PLA2G4D: variants seen among roughly 807,000 people sequenced by gnomAD.
PLA2G4D encodes cytosolic phospholipase A2 delta.
A neutral mutation model predicts 94.4 loss-of-function variants in PLA2G4D; 80 were observed. The ratio of observed to expected loss-of-function variants is 0.85; its 90% CI spans 0.71 to 1.02. The LOEUF is 1.02. Among genes scored for constraint, PLA2G4D ranks in the 50% least tolerant of loss-of-function variants. PLA2G4D has a pLI of 0.00. For missense variants in PLA2G4D, 1,050 were observed against 1,034.7 expected (o/e 1.01, Z -0.20); for synonymous variants, 438 against 440.9 (o/e 0.99, Z 0.08).
At position 42,071,995 on chromosome 15, in the gene PLA2G4D, C is replaced by T. The variant is rs1022406044; in HGVS notation, c.1436-84G>A. 3 of 1,515,150 alleles carry T rather than the reference C, an allele frequency of 2.0e-6. No individual in the cohort carries two copies. In the Admixed American group the frequency reaches 5.8e-5, roughly 29 times the overall value. 93.9% of individuals were successfully genotyped at this position (1,515,150 alleles called of 1,614,324 possible). A position where few individuals can be genotyped will look rare whatever the true frequency, so the allele number is the denominator to read the frequency against. On this transcript the variant is annotated intron_variant, in intron 14 of 19. Coordinates refer to ENST00000290472, the MANE Select transcript of PLA2G4D (RefSeq NM_178034.4). Reference sequence around the variant, plus strand: ...GCTCTGGCGAAAGACACTGCCCCTGCCCCCAGCAGGCCTGAGCCCTGCTGT... The same window carrying T: ...GCTCTGGCGAAAGACACTGCCCCTGTCCCCAGCAGGCCTGAGCCCTGCTGT...
Position 42,086,194 on chromosome 15 carries a change from T to TGGGGGGGCGC in PLA2G4D, c.387+18_387+19insGCGCCCCCCC. ...GGAAGAAGTGGGGCCCACGGGGACT[T>TGGGGGGGCGC]CCCCACCCACCCACCCACCTGGGGA... On this transcript the variant is annotated intron_variant, in intron 4 of 19. Coordinates refer to ENST00000290472, the MANE Select transcript of PLA2G4D (RefSeq NM_178034.4). 2.2e-6 allele frequency: 3 copies of TGGGGGGGCGC among 1,370,442 alleles called. No homozygotes were observed. Among genetic ancestry groups the TGGGGGGGCGC allele is most frequent in the Non-Finnish European group, 2.9e-6 (3 of 1,043,084 alleles). 84.9% of individuals were successfully genotyped at this position (1,370,442 alleles called of 1,614,324 possible).
rs74678783 is a variant in PLA2G4D at position 42,070,845 on chromosome 15, T to G, written c.1915A>C (p.Lys639Gln). The G allele has an allele frequency of 0.1, 162,305 of 1,611,004 alleles. 9,234 individuals carry two copies. The highest frequency in any genetic ancestry group is 0.12 in the Non-Finnish European group (137,283 of 1,178,494). The change falls in exon 18 of 20, where the codon AAG becomes CAG. Residue 639 changes from lysine (K) to glutamine (Q), a missense_variant. Transcript: ENST00000290472. ...LDSMPSQLTP[K>Q]EPRLCLVDAA... The stretch of plus-strand genomic sequence containing the variant: ...TCCACCAGGCAGAGCCGGGGCTCCT[T>G]GGGGGTCAGCTGGCTGGGCATGGAG...
At position 42,087,330 on chromosome 15, in the gene PLA2G4D, G is replaced by A. The variant is rs1375815032; in HGVS notation, c.225C>T (p.Ala75=). The A allele has an allele frequency of 6.2e-7, 1 of 1,614,080 alleles. No individual in the cohort carries two copies. Among genetic ancestry groups the A allele is most frequent in the African/African-American group, 1.3e-5 (1 of 74,928 alleles). The change falls in exon 3 of 20, where the codon GCC becomes GCT. Residue 75 remains alanine, a synonymous_variant. Transcript: ENST00000290472. ...TDTSHPVWNE[A]FRFLIQSQVK... ...CCTGACTTTGGATAAGGAAACGGAA[G>A]GCCTCATTCCACACAGGATGACTGG... is the stretch of plus-strand genomic sequence containing the variant.
At chr15:42,073,857 GTCC>G (rs1341420966) in intron 13 of PLA2G4D, among the ~76,000 whole-genome samples, 1 of 152,176 alleles carries the variant, frequency 6.6e-6, no homozygotes, top group East Asian at 1.9e-4. Context: ...CAGTGTGTGT[GTCC>G]TCCTTGCTGG....
chr15:42,074,962 A>G (rs1287131432), intron 13 of PLA2G4D, among the ~76,000 whole-genome samples: 1 of 152,220 alleles, frequency 6.6e-6, no homozygotes, highest in Non-Finnish European at 1.5e-5. Flanking sequence ...CTCACTCTAA[A>G]GCCCAGGTTG....
At position 42,082,289 on chromosome 15, in the gene PLA2G4D, G is replaced by A. The variant is rs149642630; in HGVS notation, c.773C>T (p.Pro258Leu). 4.3e-6 allele frequency: 7 copies of A among 1,613,744 alleles called. No homozygotes were observed. In the African/African-American group the frequency reaches 8.0e-5, roughly 18 times the overall value. Residue 258 changes from proline to leucine, a missense_variant, in exon 9 of 20, where the codon CCT (proline) becomes CTT (leucine). Transcript: ENST00000290472. ...GTTGAGGCCACTTACATTTGGAGCA[G>A]GAACATCCATAGTCACCTCCTTCCC... Reference protein sequence around the residue: ...TIGKEVTMDVPAPNAPGVRLQ... With the variant: ...TIGKEVTMDVLAPNAPGVRLQ...
At chr15:42,091,190 G>A (rs901242947) in intron 1 of PLA2G4D, among the ~76,000 whole-genome samples, 3 of 152,206 alleles carry the variant, frequency 2.0e-5, no homozygotes, top group Non-Finnish European at 2.9e-5. Flanking sequence ...GCAAGAGACC[G>A]AGGATACAAG....
chr15:42,087,618 G>C lies in PLA2G4D; in HGVS notation c.118+10C>G. 6.2e-7 allele frequency: 1 copy of C among 1,614,074 alleles called. No homozygotes were observed. The highest frequency in any genetic ancestry group is 1.1e-5 in the South Asian group (1 of 91,080). On this transcript the variant is annotated intron_variant, in intron 2 of 19. Transcript: ENST00000290472. Reference sequence around the variant, plus strand: ...CTGCTCCCGACAGAGCGCACAGGGCGGTTACTCACACAGGTCAGCCCAGCG... The same window carrying C: ...CTGCTCCCGACAGAGCGCACAGGGCCGTTACTCACACAGGTCAGCCCAGCG...
intron 19 of PLA2G4D, among the ~76,000 whole-genome samples, chr15:42,069,642 A>T (rs571797897): frequency 6.6e-6 from 1 of 152,064 alleles, no homozygotes; most frequent in African/African-American, 2.4e-5. Flanking sequence ...AGCTGGGGGT[A>T]CTAGGGCAAG....
In PLA2G4D at chr15:42,081,007, C is replaced by T; in HGVS notation, c.1084G>A (p.Gly362Ser). ...CCCCAGGATCCTCACCACGTAGAGC[C>T]AGAGATGCCACTGAAGTAGGTCACA... ...DCVTYFSGIS[G>S]STWTMAHLYG... Residue 362 changes from glycine (G) to serine (S), a missense_variant, in exon 12 of 20, where the codon GGC (glycine) becomes AGC (serine). Physicochemically the swap from Gly to Ser is moderately conservative, Grantham distance 56 (BLOSUM62 0). Coordinates refer to ENST00000290472, the MANE Select transcript of PLA2G4D (RefSeq NM_178034.4). The T allele has an allele frequency of 6.2e-7, 1 of 1,613,942 alleles. No homozygotes were observed. The highest frequency in any genetic ancestry group is 8.5e-7 in the Non-Finnish European group (1 of 1,179,888).
intron 9 of PLA2G4D, 93 bp from the exon 10 acceptor site, chr15:42,081,927 C>CTTTTTTTTTTTTT (rs398027016): frequency 2.8e-6 from 2 of 705,386 alleles, no homozygotes; most frequent in Admixed American, 3.7e-5. Flanking sequence ...CATCTTCATT[C>CTTTTTTTTTTTTT]TTTTTTTTTT....
At position 42,079,740 on chromosome 15, in the gene PLA2G4D, C is replaced by T. The variant is rs1247665671; in HGVS notation, c.1114G>A (p.Gly372Arg). The T allele has an allele frequency of 6.2e-6, 10 of 1,601,766 alleles. No homozygotes were observed. Among genetic ancestry groups the T allele is most frequent in the Non-Finnish European group, 8.5e-6 (10 of 1,175,608 alleles). Residue 372 changes from glycine to arginine, a missense_variant, in exon 13 of 20, where the codon GGG (glycine) becomes AGG (arginine). Physicochemically the swap from Gly to Arg is moderately radical, Grantham distance 125 (BLOSUM62 -2). Coordinates refer to ENST00000290472, the MANE Select transcript of PLA2G4D (RefSeq NM_178034.4). ...GSTWTMAHLYGDPEWSQRDLE... is the reference protein window; with the variant it reads ...GSTWTMAHLYRDPEWSQRDLE... ...TCCCTCTGCGACCACTCAGGGTCCCCGTACAGGTGGGCCATTGTCCTGGAA... is the reference window on the plus strand; with the variant it reads ...TCCCTCTGCGACCACTCAGGGTCCCTGTACAGGTGGGCCATTGTCCTGGAA...
intron 13 of PLA2G4D, 34 bp downstream of exon 13, chr15:42,079,503 A>T (rs1290182689): frequency 1.3e-6 from 2 of 1,554,728 alleles, no homozygotes; most frequent in Admixed American, 3.8e-5. Flanking sequence ...CGCGGTGCAC[A>T]CACGCGTCTC....
chr15:42,081,247 C>T lies in PLA2G4D; in HGVS notation c.958-114G>A, dbSNP rs1175200867. The T allele has an allele frequency of 4.7e-6, 7 of 1,495,774 alleles. No homozygotes were observed. The African/African-American group carries it at 9.8e-5, about 21-fold the overall frequency. 92.7% of individuals were successfully genotyped at this position (1,495,774 alleles called of 1,614,324 possible). A position where few individuals can be genotyped will look rare whatever the true frequency, so the allele number is the denominator to read the frequency against. ...CAGGGAAGGGACCGCATAGTTGGGT[C>T]CTGATAGAGTCAGGGTTAGAGCTGG... On this transcript the variant is annotated intron_variant, in intron 11 of 19. Coordinates refer to ENST00000290472, the MANE Select transcript of PLA2G4D (RefSeq NM_178034.4).
In PLA2G4D at chr15:42,068,540, G is replaced by A; in HGVS notation, c.*175C>T. ...TTTCAACTCATCTCAAGCCAGCCAT[G>A]AACGTAAGAGAGAAGTCTGTGTGTG... is the stretch of plus-strand genomic sequence containing the variant. On this transcript the variant is annotated 3_prime_UTR_variant, in exon 20 of 20. Transcript: ENST00000290472. 1.6e-6 allele frequency: 1 copy of A among 626,080 alleles called. No individual in the cohort carries two copies. Among genetic ancestry groups the A allele is most frequent in the Non-Finnish European group, 2.8e-6 (1 of 361,168 alleles). 38.8% of individuals were successfully genotyped at this position (626,080 alleles called of 1,614,324 possible). A position where few individuals can be genotyped will look rare whatever the true frequency, so the allele number is the denominator to read the frequency against.
intron 1 of PLA2G4D, among the ~76,000 whole-genome samples, chr15:42,093,578 G>A (rs1333690195): frequency 6.6e-6 from 1 of 152,150 alleles, no homozygotes; most frequent in Non-Finnish European, 1.5e-5. Flanking sequence ...CTCAGGCTGG[G>A]GCAACAGTGT....
intron 1 of PLA2G4D, among the ~76,000 whole-genome samples, chr15:42,090,211 C>T (rs1326722434): frequency 6.6e-6 from 1 of 152,130 alleles, no homozygotes; most frequent in Non-Finnish European, 1.5e-5. Flanking sequence ...TAGTTTTGAC[C>T]TCACATAGTA....
In PLA2G4D at chr15:42,071,504, C is replaced by G. The variant is rs1889816959; in HGVS notation, c.1621G>C (p.Asp541His). The stretch of plus-strand genomic sequence containing the variant: ...CAGGACTCCCCAGAACTGGTGAGGT[C>G]ATACCAGGCATCCAGCAGGTTCAGG... ...FSLNLLDAWY[D>H]LTSSGESWKQ... is the part of the protein sequence containing the mutation. Residue 541 changes from aspartate (D) to histidine (H), a missense_variant, in exon 16 of 20, where the codon GAC becomes CAC. By Grantham distance (81) the Asp-to-His change is moderately conservative. Transcript: ENST00000290472. 6.2e-7 allele frequency: 1 copy of G among 1,613,898 alleles called. No homozygotes were observed.
chr15:42,091,152 G>A (rs2141105050), intron 1 of PLA2G4D, among the ~76,000 whole-genome samples: 1 of 152,324 alleles, frequency 6.6e-6, no homozygotes, highest in South Asian at 2.1e-4. Flanking sequence ...TACCTACCGT[G>A]TGGGTGGCAA....
Sources: allele counts gnomAD v4.1 joint callset (sites outside exome capture counted in the v4.1 genomes callset), GRCh38; gene constraint gnomAD v4.1.1; transcripts MANE v1.5; gene names NCBI Gene and HGNC (gene_info 2026-07-23, HGNC 2026-07-21).